DYNC1LI2: variants seen among roughly 807,000 people sequenced by gnomAD.
The protein encoded by DYNC1LI2 is cytoplasmic dynein 1 light intermediate chain 2.
Under a neutral mutation model 57.8 loss-of-function variants are expected in DYNC1LI2, and 19 were observed. The observed-to-expected ratio is 0.33, with a 90% CI of 0.23 to 0.48. The LOEUF is 0.48. Among genes scored for constraint, DYNC1LI2 ranks in the 20% least tolerant of loss-of-function variants. The pLI, the probability that DYNC1LI2 is intolerant of heterozygous loss-of-function variation, is 0.99. For missense variants in DYNC1LI2, 470 were observed against 604.2 expected, an observed-to-expected ratio of 0.78 and a Z score of 2.33; for synonymous variants, 256 against 233.4, an observed-to-expected ratio of 1.10 and a Z score of -0.88.
At position 66,751,436 on chromosome 16, in the gene DYNC1LI2, C is replaced by A; in HGVS notation, c.107+49G>T. 3 of 1,580,812 alleles carry A rather than the reference C, an allele frequency of 1.9e-6. No homozygotes were observed. Among genetic ancestry groups the A allele is most frequent in the Non-Finnish European group, 2.6e-6 (3 of 1,167,056 alleles). ...CCCCTCAGTGTGTCCGACGGTCCGGCCCAGAGGCCGCGCCCCCCACGGCCC... is the reference window on the plus strand; with the variant it reads ...CCCCTCAGTGTGTCCGACGGTCCGGACCAGAGGCCGCGCCCCCCACGGCCC... On this transcript the variant is annotated intron_variant, in intron 1 of 12. Coordinates refer to ENST00000258198, the MANE Select transcript of DYNC1LI2 (RefSeq NM_006141.3). This position sits in a 1 kb window ranked among gnomAD's most constrained non-coding sequence, Gnocchi z 5.2.
At chr16:66,737,730 A>G (rs1180420716) in intron 4 of DYNC1LI2, among the ~76,000 whole-genome samples, 1 of 152,174 alleles carries the variant, frequency 6.6e-6, no homozygotes, top group Non-Finnish European at 1.5e-5. Flanking sequence ...GTGGTACAAC[A>G]TCCACTTATT....
At chr16:66,729,639 C>T (rs1352476599) in intron 8 of DYNC1LI2, among the ~76,000 whole-genome samples, 2 of 149,048 alleles carry the variant, frequency 1.3e-5, no homozygotes, top group South Asian at 2.1e-4. Context: ...TACAGTGGCC[C>T]GATCTCGGCT....
chr16:66,729,912 G>A (rs2017605457), intron 8 of DYNC1LI2, among the ~76,000 whole-genome samples, 200 bp downstream of exon 8: 1 of 152,064 alleles, frequency 6.6e-6, no homozygotes, highest in Non-Finnish European at 1.5e-5. Flanking sequence ...CTCCCAAGTA[G>A]CTGGGATTAC....
intron 2 of DYNC1LI2, 35 bp from the exon 3 acceptor site, chr16:66,749,348 T>A (rs1291860849): frequency 6.2e-7 from 1 of 1,602,720 alleles, no homozygotes; most frequent in Admixed American, 1.7e-5. Context: ...AGGTGTACTG[T>A]TTATTCCGGG....
rs1426619138 is a variant in DYNC1LI2, at chr16:66,723,474, T to C, written c.*248A>G. 6.7e-6 allele frequency: 4 copies of C among 593,984 alleles called. No homozygotes were observed. The East Asian group carries it at 1.1e-4, about 17-fold the overall frequency. The allele number at this position is 593,984 out of a possible 1,614,324, so 36.8% of individuals were successfully genotyped here. A position where few individuals can be genotyped will look rare whatever the true frequency, so the allele number is the denominator to read the frequency against. ...CCTCCACAAGAAGCCCAGATGTGCT[T>C]GCCTCCCACAAAAGAGCCACATGCC... On this transcript the variant is annotated 3_prime_UTR_variant, in exon 13 of 13. Coordinates refer to ENST00000258198, the MANE Select transcript of DYNC1LI2 (RefSeq NM_006141.3).
chr16:66,730,268 C>A (rs768528831), intron 7 of DYNC1LI2, 45 bp from the exon 8 acceptor site: 1 of 1,543,198 alleles, frequency 6.5e-7, no homozygotes, highest in South Asian at 1.2e-5. Flanking sequence ...CCTGGGGCTG[C>A]CTTAGAGCAT....
At position 66,740,519 on chromosome 16, in the gene DYNC1LI2, C is replaced by T. The variant is rs559047409; in HGVS notation, c.529+1919G>A. On this transcript the variant is annotated intron_variant, in intron 4 of 12. Coordinates refer to ENST00000258198, the MANE Select transcript of DYNC1LI2 (RefSeq NM_006141.3). ...TGACAGCAGAGAGGCCAATGGAAAA[C>T]CAACCAGAGTCGTGGGACATGGTTC... Among the ~76,000 whole-genome samples, 11 of 152,314 alleles carry T rather than the reference C, an allele frequency of 7.2e-5. No individual in the cohort carries two copies. The East Asian group carries it at 1.9e-3, about 27-fold the overall frequency.
At chr16:66,729,146 T>G in intron 8 of DYNC1LI2, 47 bp from the exon 9 acceptor site, 2 of 1,605,722 alleles carry the variant, frequency 1.2e-6, no homozygotes, top group Non-Finnish European at 1.7e-6. Flanking sequence ...AGAATACTCC[T>G]AACCACTGTC....
At chr16:66,746,037 T>C (rs1032733884) in intron 3 of DYNC1LI2, among the ~76,000 whole-genome samples, 3 of 152,238 alleles carry the variant, frequency 2.0e-5, no homozygotes, top group Non-Finnish European at 4.4e-5. Flanking sequence ...AAAAAATTTA[T>C]ATTCATGGCT....
intron 4 of DYNC1LI2, 117 bp downstream of exon 4, chr16:66,742,321 C>T: frequency 9.7e-7 from 1 of 1,030,568 alleles, no homozygotes; most frequent in Non-Finnish European, 1.4e-6. Flanking sequence ...ATAAATGGTG[C>T]AAACAAAACA....
Position 66,723,147 on chromosome 16 carries a change from TG to T in DYNC1LI2, c.*574del. 1 of 344,146 alleles carries T rather than the reference TG, an allele frequency of 2.9e-6. No individual in the cohort carries two copies. The highest frequency in any genetic ancestry group is 5.8e-6 in the Non-Finnish European group (1 of 172,058). The allele number at this position is 344,146 out of a possible 1,614,324, so 21.3% of individuals were successfully genotyped here. On this transcript the variant is annotated 3_prime_UTR_variant, in exon 13 of 13. Transcript: ENST00000258198. ...CTAATTCCCATTTTGCTTAGTGTTTTGTTTGGAAATGCTTCTAACAATGATT... is the reference window on the plus strand; with the variant it reads ...CTAATTCCCATTTTGCTTAGTGTTTTTTTGGAAATGCTTCTAACAATGATT...
chr16:66,728,947 G>A, intron 9 of DYNC1LI2, 93 bp downstream of exon 9: 1 of 1,322,198 alleles, frequency 7.6e-7, no homozygotes, highest in Non-Finnish European at 1.1e-6. Flanking sequence ...AGCTCTTTGT[G>A]ACTTCCCACA....
chr16:66,733,010 C>T (rs8043912), intron 6 of DYNC1LI2: 76,808 of 152,072 alleles, frequency 0.51, 20,296 homozygotes, highest in African/African-American at 0.64. Flanking sequence ...TGTGGAACCA[C>T]GGCACCAACT....
intron 3 of DYNC1LI2, among the ~76,000 whole-genome samples, chr16:66,747,018 C>T (rs544947401): frequency 6.6e-6 from 1 of 152,232 alleles, no homozygotes; most frequent in South Asian, 2.1e-4. Context: ...CTCCAGTGGG[C>T]CTAGATGAGT....
intron 4 of DYNC1LI2, among the ~76,000 whole-genome samples, chr16:66,738,598 T>C (rs12918990): frequency 0.48 from 72,712 of 151,662 alleles, 17,999 homozygotes; most frequent in East Asian, 0.63. Context: ...ACTGTCAGGC[T>C]AAACGCGATG....
At chr16:66,736,002 A>G in intron 5 of DYNC1LI2, 73 bp downstream of exon 5, 1 of 1,534,550 alleles carries the variant, frequency 6.5e-7, no homozygotes, top group East Asian at 2.4e-5. Context: ...AAACGTCAAC[A>G]GTTTCTCAAA....
In DYNC1LI2 at chr16:66,734,318, G is replaced by T; in HGVS notation, c.700-7C>A. 4 of 1,613,776 alleles carry T rather than the reference G, an allele frequency of 2.5e-6. No individual in the cohort carries two copies. The highest frequency in any genetic ancestry group is 3.4e-6 in the Non-Finnish European group (4 of 1,179,868). Reference sequence around the variant, plus strand: ...GGACACTCACCGCATCACACTGCAGGGAAGACAGACAGAGTCACCTTTTTG... The same window carrying T: ...GGACACTCACCGCATCACACTGCAGTGAAGACAGACAGAGTCACCTTTTTG... On this transcript the variant is annotated splice_region_variant and splice_polypyrimidine_tract_variant and intron_variant, in intron 5 of 12. Coordinates refer to ENST00000258198, the MANE Select transcript of DYNC1LI2 (RefSeq NM_006141.3).
chr16:66,734,020 A>G (rs1891967854), intron 6 of DYNC1LI2, 198 bp downstream of exon 6: 2 of 548,184 alleles, frequency 3.6e-6, no homozygotes, highest in Non-Finnish European at 3.2e-6. Context: ...ACAAACAAAT[A>G]AATGAGTGAT....
At chr16:66,739,301 T>C (rs930130855) in intron 4 of DYNC1LI2, 4 of 152,166 alleles carry the variant, frequency 2.6e-5, no homozygotes, top group Non-Finnish European at 5.9e-5. Context: ...CACTGTAAAC[T>C]TTTCTGCTGT....
Sources: allele counts gnomAD v4.1 joint callset (sites outside exome capture counted in the v4.1 genomes callset), GRCh38; gene constraint gnomAD v4.1.1; non-coding constraint Gnocchi (gnomAD v3.1); transcripts MANE v1.5; gene names NCBI Gene and HGNC (gene_info 2026-07-23, HGNC 2026-07-21).